Variants in NOTCH2NLC observed in about 807,000 individuals in gnomAD.
NOTCH2NLC encodes notch 2 N-terminal like C.
Under a neutral mutation model 17.7 loss-of-function variants are expected in NOTCH2NLC, and 4 were observed. The observed-to-expected ratio is 0.23, with a 90% CI of 0.11 to 0.52. NOTCH2NLC has a LOEUF of 0.52. Among genes scored for constraint, NOTCH2NLC ranks in the 20% least tolerant of loss-of-function variants. The probability of loss-of-function intolerance (pLI) is 0.96; values close to 1 mark genes in which losing one functional copy is unlikely to be tolerated. For synonymous variants in NOTCH2NLC, 18 were observed against 86.0 expected (o/e 0.21, Z 4.38); for missense variants, 57 against 207.2 (o/e 0.28, Z 4.45).
At chr1:149,409,220 A>G (rs1350842204) in intron 1 of NOTCH2NLC, 1 of 152,486 alleles carries the variant, frequency 6.6e-6, no homozygotes, top group Non-Finnish European at 1.4e-5. Context: ...TCTTACATTC[A>G]CTGCATTAAA....
intron 1 of NOTCH2NLC, among the ~76,000 whole-genome samples, chr1:149,416,022 G>A (rs2084333032): frequency 6.7e-6 from 1 of 149,590 alleles, no homozygotes; most frequent in Non-Finnish European, 1.5e-5. Flanking sequence ...GGAAAACAGA[G>A]GAGTGATCTT....
chr1:149,468,658 A>AT lies in NOTCH2NLC; in HGVS notation c.*4511dup, dbSNP rs1159848468. On this transcript the variant is annotated 3_prime_UTR_variant, in exon 5 of 5. Coordinates refer to ENST00000650865, the MANE Select transcript of NOTCH2NLC (RefSeq NM_001364013.2). ...ATAGATGAGAATCCTATATTCTACAATTTTTTAAATGTACTGAAATTATTC... is the reference window on the plus strand; with the variant it reads ...ATAGATGAGAATCCTATATTCTACAATTTTTTTAAATGTACTGAAATTATTC... 1.4e-5 allele frequency among the ~76,000 whole-genome samples: 2 copies of AT among 138,354 alleles called. No homozygotes were observed. Among genetic ancestry groups the AT allele is most frequent in the African/African-American group, 5.2e-5 (2 of 38,324 alleles). 90.8% of individuals were successfully genotyped at this position (138,354 alleles called of 152,430 possible).
In NOTCH2NLC at chr1:149,454,513, A is replaced by C. The variant is rs1344867116; in HGVS notation, c.210-805A>C. 1.1e-3 allele frequency among the ~76,000 whole-genome samples: 155 copies of C among 146,396 alleles called. 6 individuals are homozygous for C. Among genetic ancestry groups the C allele is most frequent in the South Asian group, 3.7e-3 (17 of 4,564 alleles). On this transcript the variant is annotated intron_variant, in intron 2 of 4. Transcript: ENST00000650865. ...TGTAAAAAGGTTCCTCAGTGCCTCAATGTGGAAAATATCATAGAATGTTAT... is the reference window on the plus strand; with the variant it reads ...TGTAAAAAGGTTCCTCAGTGCCTCACTGTGGAAAATATCATAGAATGTTAT...
chr1:149,449,193 C>G (rs1570917891), intron 2 of NOTCH2NLC, among the ~76,000 whole-genome samples: 1 of 150,984 alleles, frequency 6.6e-6, no homozygotes, highest in Non-Finnish European at 1.5e-5. Context: ...GCTGTAAAAT[C>G]TTAATCTTTC....
At chr1:149,435,463 G>C (rs1179575515) in intron 2 of NOTCH2NLC, among the ~76,000 whole-genome samples, 1 of 148,970 alleles carries the variant, frequency 6.7e-6, no homozygotes, top group African/African-American at 2.5e-5. Context: ...CCCTTAGTCC[G>C]ATGACACAAA....
intron 1 of NOTCH2NLC, 77 bp from the exon 2 acceptor site, chr1:149,430,864 TA>T: frequency 5.0e-6 from 1 of 199,898 alleles, no homozygotes; most frequent in East Asian, 1.6e-4. Flanking sequence ...TGGATTGGAT[TA>T]CACTTCTTTG....
chr1:149,460,931 TTCTC>T (rs1284594240), intron 3 of NOTCH2NLC, among the ~76,000 whole-genome samples: 14 of 137,580 alleles, frequency 1.0e-4, no homozygotes, highest in Admixed American at 9.7e-4. Flanking sequence ...CTTTCTCTCT[TTCTC>T]TCTCTTTCCC....
At chr1:149,428,952 A>G (rs1248549852) in intron 1 of NOTCH2NLC, among the ~76,000 whole-genome samples, 1 of 147,706 alleles carries the variant, frequency 6.8e-6, no homozygotes, top group Non-Finnish European at 1.5e-5. Context: ...AAACTAATAA[A>G]AGTGTCTAAA....
rs1291372134 is a variant in NOTCH2NLC at position 149,449,256 on chromosome 1, C to T, written c.210-6062C>T. 4.0e-5 allele frequency among the ~76,000 whole-genome samples: 6 copies of T among 150,624 alleles called. 1 individual carries two copies. Among genetic ancestry groups the T allele is most frequent in the South Asian group, 4.2e-4 (2 of 4,758 alleles). ...TGGAGATTATAATACGGCACTGGAG[C>T]GAGTAATACAAGAGACAATAGCTAT... On this transcript the variant is annotated intron_variant, in intron 2 of 4. Coordinates refer to ENST00000650865, the MANE Select transcript of NOTCH2NLC (RefSeq NM_001364013.2).
rs2084670537 is a variant in NOTCH2NLC, at chr1:149,464,189, C to CT, written c.*39dup. ...ATATGTATGTGTGGTTAATAAAGTG[C>CT]TTTAAACTGAATTGACATTAACAGT... On this transcript the variant is annotated 3_prime_UTR_variant, in exon 5 of 5. Transcript: ENST00000650865. The CT allele has an allele frequency of 1.5e-6, 1 of 672,900 alleles. No homozygotes were observed. Among genetic ancestry groups the CT allele is most frequent in the South Asian group, 1.8e-5 (1 of 55,926 alleles). The allele number at this position is 672,900 out of a possible 1,614,324, so 41.7% of individuals were successfully genotyped here.
chr1:149,460,894 T>C (rs1242717500), intron 3 of NOTCH2NLC, among the ~76,000 whole-genome samples: 5 of 132,004 alleles, frequency 3.8e-5, no homozygotes, highest in Non-Finnish European at 6.8e-5. Context: ...TTTCTTTCTT[T>C]CTTTCTTTCT....
intron 1 of NOTCH2NLC, among the ~76,000 whole-genome samples, chr1:149,402,739 A>G (rs1431454048): frequency 2.5e-3 from 2 of 790 alleles, no homozygotes; most frequent in African/African-American, 0.011. Context: ...CTTGCACAGG[A>G]TAATGCAATT....
intron 2 of NOTCH2NLC, among the ~76,000 whole-genome samples, chr1:149,446,777 G>A (rs1448766421): frequency 9.8e-6 from 1 of 101,780 alleles, no homozygotes; most frequent in Non-Finnish European, 2.0e-5. Context: ...TGTTCTTTCA[G>A]AGTTCCAATG....
At chr1:149,412,284 G>T (rs2084302314) in intron 1 of NOTCH2NLC, among the ~76,000 whole-genome samples, 2 of 146,262 alleles carry the variant, frequency 1.4e-5, no homozygotes, top group African/African-American at 4.9e-5. Context: ...GCACTTTGGG[G>T]GAAAAAAGGG....
At chr1:149,430,899 A>C in intron 1 of NOTCH2NLC, 43 bp from the exon 2 acceptor site, 1 of 263,480 alleles carries the variant, frequency 3.8e-6, no homozygotes, top group South Asian at 3.1e-5. Flanking sequence ...ATGATTAGTG[A>C]CTTACTTCTA....
rs2084702249 is a variant in NOTCH2NLC, at chr1:149,469,026, G to A, written c.*4873G>A. The stretch of plus-strand genomic sequence containing the variant: ...TTCTCCCAGGCTGGAGTGCAATGGT[G>A]CTATCTCGGCTCACTGCAACCTCCA... On this transcript the variant is annotated 3_prime_UTR_variant, in exon 5 of 5. Coordinates refer to ENST00000650865, the MANE Select transcript of NOTCH2NLC (RefSeq NM_001364013.2). Among the ~76,000 whole-genome samples, 1 of 109,298 alleles carries A rather than the reference G, an allele frequency of 9.1e-6. No individual in the cohort carries two copies. The highest frequency in any genetic ancestry group is 1.8e-5 in the Non-Finnish European group (1 of 55,062). The allele number at this position is 109,298 out of a possible 152,430, so 71.7% of individuals were successfully genotyped here. A position where few individuals can be genotyped will look rare whatever the true frequency, so the allele number is the denominator to read the frequency against.
chr1:149,400,302 G>A (rs1415212613), intron 1 of NOTCH2NLC, among the ~76,000 whole-genome samples: 3 of 136,754 alleles, frequency 2.2e-5, no homozygotes, highest in African/African-American at 7.9e-5. Flanking sequence ...GATATTGAAT[G>A]TTTTTTCATA....
intron 1 of NOTCH2NLC, among the ~76,000 whole-genome samples, chr1:149,413,851 T>C (rs1385572759): frequency 6.6e-6 from 1 of 151,122 alleles, no homozygotes; most frequent in African/African-American, 2.4e-5. Flanking sequence ...CATGGTGAGG[T>C]GATGATACAT....
rs1384251926 is a variant in NOTCH2NLC at position 149,467,559 on chromosome 1, A to C, written c.*3406A>C. 2 of 105,804 alleles carry C rather than the reference A, an allele frequency of 1.9e-5. No individual in the cohort carries two copies. Among genetic ancestry groups the C allele is most frequent in the Non-Finnish European group, 3.8e-5 (2 of 52,706 alleles). The allele number at this position is 105,804 out of a possible 1,614,324, so 6.6% of individuals were successfully genotyped here. ...GGATAAGTAACTGTTAGTAATCCAG[A>C]CACTTCATGAGCTTTCATTATGTAA... is the stretch of plus-strand genomic sequence containing the variant. On this transcript the variant is annotated 3_prime_UTR_variant, in exon 5 of 5. Transcript: ENST00000650865.
Sources: gnomAD v4.1 joint callset for allele counts (sites outside exome capture counted in the v4.1 genomes callset) on GRCh38, gnomAD v4.1.1 for gene constraint, MANE v1.5 for transcripts, NCBI Gene and HGNC (gene_info 2026-07-23, HGNC 2026-07-21) for gene names.